Variants in FAM117B observed in about 807,000 individuals in gnomAD.
The protein encoded by FAM117B is protein FAM117B.
In FAM117B, 22 loss-of-function variants were observed where a neutral mutation model predicts 52.8. That is an observed-to-expected ratio of 0.42 (90% confidence interval 0.30 to 0.59). FAM117B has a LOEUF of 0.59. FAM117B is among the 20% of genes least tolerant of loss of function. FAM117B has a pLI of 0.22. For synonymous variants in FAM117B, 309 were observed against 324.1 expected, an observed-to-expected ratio of 0.95 and a Z score of 0.50; for missense variants, 678 against 802.6, an observed-to-expected ratio of 0.84 and a Z score of 1.88.
At chr2:202,734,189 AT>A (rs1467377005) in intron 4 of FAM117B, among the ~76,000 whole-genome samples, 1 of 152,070 alleles carries the variant, frequency 6.6e-6, no homozygotes, top group African/African-American at 2.4e-5. Context: ...TTGAAAATAG[AT>A]TGCAGTGATG....
In FAM117B at chr2:202,765,816, C is replaced by G. The variant is rs1262597582; in HGVS notation, c.*52C>G. ...TGGGAAATTGGGAACCTCCTCAGAT[C>G]ACTGGATTCTGATGGCATCGTGCGC... is the stretch of plus-strand genomic sequence containing the variant. On this transcript the variant is annotated 3_prime_UTR_variant, in exon 8 of 8. Coordinates refer to ENST00000392238, the MANE Select transcript of FAM117B (RefSeq NM_173511.4). 17 of 1,549,058 alleles carry G rather than the reference C, an allele frequency of 1.1e-5. No individual in the cohort carries two copies. The highest frequency in any genetic ancestry group is 1.5e-5 in the Non-Finnish European group (17 of 1,135,364).
chr2:202,729,375 A>G (rs1158537627), intron 4 of FAM117B, among the ~76,000 whole-genome samples: 2 of 152,114 alleles, frequency 1.3e-5, no homozygotes, highest in Non-Finnish European at 2.9e-5. Context: ...GGCTGTAAAC[A>G]TGAAAATAAT....
In FAM117B at chr2:202,766,840, G is replaced by C. The variant is rs1376810137; in HGVS notation, c.*1076G>C. 6.6e-6 allele frequency: 1 copy of C among 152,192 alleles called. No homozygotes were observed. Among genetic ancestry groups the C allele is most frequent in the African/African-American group, 2.4e-5 (1 of 41,402 alleles). 9.4% of individuals were successfully genotyped at this position (152,192 alleles called of 1,614,324 possible). A position where few individuals can be genotyped will look rare whatever the true frequency, so the allele number is the denominator to read the frequency against. On this transcript the variant is annotated 3_prime_UTR_variant, in exon 8 of 8. Transcript: ENST00000392238. ...GTGATGTTGTTGTCTTGTGGATTTG[G>C]TTGGGCTAGTAGTTTGCCAGGAGTG...
chr2:202,725,422 A>G (rs1198389329), intron 3 of FAM117B, among the ~76,000 whole-genome samples: 1 of 151,420 alleles, frequency 6.6e-6, no homozygotes, highest in Admixed American at 6.6e-5. Flanking sequence ...AGGCTCAAGC[A>G]ATTCTCGTGC....
intron 3 of FAM117B, 169 bp downstream of exon 3, chr2:202,725,178 A>C: frequency 2.2e-6 from 1 of 458,428 alleles, no homozygotes; most frequent in Non-Finnish European, 3.9e-6. Context: ...AAAGATTTCA[A>C]TAGGGATATT....
intron 7 of FAM117B, 61 bp from the exon 8 acceptor site, chr2:202,765,385 T>TA: frequency 7.0e-7 from 1 of 1,434,812 alleles, no homozygotes; most frequent in South Asian, 1.4e-5. Context: ...CAAGCTTTTT[T>TA]TTTTTTTTAT....
chr2:202,727,244 A>G (rs72928971), intron 4 of FAM117B, among the ~76,000 whole-genome samples: 38,162 of 151,996 alleles, frequency 0.25, 5,203 homozygotes, highest in Middle Eastern at 0.31. Context: ...AAACTAGAAG[A>G]CTTAGTTCTG....
chr2:202,662,339 TTCATAGGAGTAGAGTAGAATATTGATTA>T (rs1469839220), intron 1 of FAM117B, among the ~76,000 whole-genome samples: 2 of 152,042 alleles, frequency 1.3e-5, no homozygotes, highest in Non-Finnish European at 2.9e-5. Context: ...AAAAATTCGT[TTCATAGGAGTAGAGTAGAATATTGATTA>T]CCAGAGGCTG....
intron 1 of FAM117B, among the ~76,000 whole-genome samples, chr2:202,663,290 T>C (rs531842660): frequency 6.6e-6 from 1 of 152,372 alleles, no homozygotes; most frequent in East Asian, 1.9e-4. Context: ...AATTGAACTT[T>C]TGAATTCTGA....
At chr2:202,668,757 G>C (rs185696165) in intron 1 of FAM117B, among the ~76,000 whole-genome samples, 168 of 152,090 alleles carry the variant, frequency 1.1e-3, no homozygotes, top group African/African-American at 3.9e-3. Flanking sequence ...ATATTTGAAT[G>C]CATGTCTCAT....
intron 1 of FAM117B, among the ~76,000 whole-genome samples, chr2:202,639,997 C>T (rs192482775): frequency 1.9e-4 from 29 of 151,876 alleles, no homozygotes; most frequent in African/African-American, 6.5e-4. Flanking sequence ...TGGTCGGGCA[C>T]GGTGGCTTAT....
intron 4 of FAM117B, among the ~76,000 whole-genome samples, chr2:202,750,409 A>T (rs1691704827): frequency 6.6e-6 from 1 of 152,102 alleles, no homozygotes; most frequent in Non-Finnish European, 1.5e-5. Flanking sequence ...GCTACTCGGG[A>T]GGCTGAGGTG....
In FAM117B at chr2:202,766,244, A is replaced by G. The variant is rs1691979021; in HGVS notation, c.*480A>G. The G allele has an allele frequency of 6.5e-6, 1 of 153,344 alleles. No homozygotes were observed. The highest frequency in any genetic ancestry group is 2.4e-5 in the African/African-American group (1 of 41,418). 9.5% of individuals were successfully genotyped at this position (153,344 alleles called of 1,614,324 possible). A position where few individuals can be genotyped will look rare whatever the true frequency, so the allele number is the denominator to read the frequency against. ...ACGTAGCAAACAGGATATTCAAAAG[A>G]TTCTTTGGTGGCCTCTGTTTCTTGT... is the stretch of plus-strand genomic sequence containing the variant. On this transcript the variant is annotated 3_prime_UTR_variant, in exon 8 of 8. Transcript: ENST00000392238.
intron 1 of FAM117B, among the ~76,000 whole-genome samples, chr2:202,685,483 C>A (rs1345060351): frequency 6.6e-6 from 1 of 152,116 alleles, no homozygotes; most frequent in Non-Finnish European, 1.5e-5. Flanking sequence ...AGGATGTCAA[C>A]TCTCACAATT....
chr2:202,751,202 CT>C (rs2105797617), intron 4 of FAM117B, among the ~76,000 whole-genome samples: 1 of 152,302 alleles, frequency 6.6e-6, no homozygotes, highest in South Asian at 2.1e-4. Flanking sequence ...ACAGATCACT[CT>C]GTGTTACTTG....
At position 202,635,064 on chromosome 2, in the gene FAM117B, C is replaced by G. The variant is rs911805646; in HGVS notation, c.-124C>G. ...GCCCCGGCCCGGTCTCCCCCTGCAC[C>G]CCGGAGTCCGGCTTCGTCACCCCGT... On this transcript the variant is annotated 5_prime_UTR_variant, in exon 1 of 8. Transcript: ENST00000392238. The G allele has an allele frequency of 4.3e-4, 516 of 1,207,094 alleles. No individual in the cohort carries two copies. Among genetic ancestry groups the G allele is most frequent in the Non-Finnish European group, 5.1e-4 (489 of 961,316 alleles). The allele number at this position is 1,207,094 out of a possible 1,614,324, so 74.8% of individuals were successfully genotyped here.
intron 1 of FAM117B, among the ~76,000 whole-genome samples, chr2:202,669,466 G>T (rs1171983071): frequency 6.6e-6 from 1 of 152,090 alleles, no homozygotes; most frequent in African/African-American, 2.4e-5. Context: ...AAAATAAGGA[G>T]AGGATAAAGT....
chr2:202,703,930 T>C (rs1262857144), intron 2 of FAM117B, among the ~76,000 whole-genome samples: 1 of 152,200 alleles, frequency 6.6e-6, no homozygotes, highest in Non-Finnish European at 1.5e-5. Context: ...TCTATCCCCA[T>C]GTATGAAGGT....
chr2:202,681,712 C>G (rs1308399068), intron 1 of FAM117B, among the ~76,000 whole-genome samples: 1 of 152,172 alleles, frequency 6.6e-6, no homozygotes. Flanking sequence ...ATAACATTGT[C>G]AACAAATATA....
Sources: allele counts gnomAD v4.1 joint callset (sites outside exome capture counted in the v4.1 genomes callset), GRCh38; gene constraint gnomAD v4.1.1; transcripts MANE v1.5; gene names NCBI Gene and HGNC (gene_info 2026-07-23, HGNC 2026-07-21).